The following SLC30A5 variants were observed in gnomAD, a reference collection of about 807,000 sequenced individuals.
SLC30A5 encodes solute carrier family 30 member 5.
A neutral mutation model predicts 79.6 loss-of-function variants in SLC30A5; 33 were observed. That is an observed-to-expected ratio of 0.41 (90% CI 0.31 to 0.55). The LOEUF (loss-of-function observed/expected upper bound fraction) is 0.55, where lower values mean the gene tolerates loss of function less well. Ranked by LOEUF, SLC30A5 falls within the 20% of genes least tolerant of loss-of-function variation. The pLI is 0.20. For synonymous variants in SLC30A5, 299 were observed against 319.7 expected, an observed-to-expected ratio of 0.94 and a Z score of 0.69; for missense variants, 788 against 928.1, an observed-to-expected ratio of 0.85 and a Z score of 1.96.
At chr5:69,103,205 A>G in intron 3 of SLC30A5, 77 bp downstream of exon 3, 2 of 740,450 alleles carry the variant, frequency 2.7e-6, no homozygotes, top group Non-Finnish European at 4.7e-6. Context: ...ATTTTTTATA[A>G]TGGGTACTTA....
intron 3 of SLC30A5, among the ~76,000 whole-genome samples, chr5:69,103,392 T>C (rs1745988595): frequency 6.6e-6 from 1 of 152,172 alleles, no homozygotes; most frequent in African/African-American, 2.4e-5. Flanking sequence ...ACACTTCTTA[T>C]TCTGAAAGAT....
chr5:69,112,993 C>A, intron 5 of SLC30A5, 147 bp from the exon 6 acceptor site: 1 of 620,110 alleles, frequency 1.6e-6, no homozygotes, highest in South Asian at 2.0e-5. Flanking sequence ...TATGTAAGAG[C>A]TTTAATGTCA....
In SLC30A5 at chr5:69,094,217, C is replaced by T. The variant is rs1386982694; in HGVS notation, c.-39C>T. ...GGCAGCGGCGAGACATGAGGAGACC[C>T]CGCGACAGGGGCAGCGGCGGCGGCT... On this transcript the variant is annotated 5_prime_UTR_variant, in exon 1 of 16. Coordinates refer to ENST00000396591, the MANE Select transcript of SLC30A5 (RefSeq NM_022902.5). The T allele has an allele frequency of 1.8e-6, 2 of 1,098,352 alleles. No homozygotes were observed. Among genetic ancestry groups the T allele is most frequent in the East Asian group, 3.2e-5 (1 of 31,206 alleles). 68.0% of individuals were successfully genotyped at this position (1,098,352 alleles called of 1,614,324 possible). A position where few individuals can be genotyped will look rare whatever the true frequency, so the allele number is the denominator to read the frequency against.
intron 12 of SLC30A5, among the ~76,000 whole-genome samples, chr5:69,120,484 C>G (rs946758224): frequency 8.5e-5 from 13 of 152,064 alleles, no homozygotes; most frequent in African/African-American, 2.9e-4. Flanking sequence ...GAAAATACAC[C>G]ATTTTAAGCG....
chr5:69,104,070 GA>G lies in SLC30A5; in HGVS notation c.274-556del, dbSNP rs767602755. ...AGAAATCATAAAATTGTACTCTGAA[GA>G]AAAAGATTTCAAAATCTACCAGCAG... On this transcript the variant is annotated intron_variant, in intron 3 of 15. Transcript: ENST00000396591. 10 of 1,527,372 alleles carry G rather than the reference GA, an allele frequency of 6.5e-6. 1 individual carries two copies. The South Asian group carries it at 1.3e-4, about 19-fold the overall frequency. The allele number at this position is 1,527,372 out of a possible 1,614,324, so 94.6% of individuals were successfully genotyped here.
chr5:69,097,910 C>A (rs16898486), intron 1 of SLC30A5, among the ~76,000 whole-genome samples: 43,279 of 151,936 alleles, frequency 0.28, 6,489 homozygotes, highest in Middle Eastern at 0.35. Flanking sequence ...GCTAAGTAAC[C>A]TATATTGATA....
At chr5:69,109,765 C>T (rs1217635975) in intron 5 of SLC30A5, among the ~76,000 whole-genome samples, 2 of 152,128 alleles carry the variant, frequency 1.3e-5, no homozygotes, top group Non-Finnish European at 2.9e-5. Context: ...ACTGTTAGAA[C>T]TATATAGTGT....
chr5:69,113,556 A>G (rs2111971227), intron 6 of SLC30A5, among the ~76,000 whole-genome samples: 1 of 152,128 alleles, frequency 6.6e-6, no homozygotes, highest in Admixed American at 6.5e-5. Flanking sequence ...TTAACAATTA[A>G]AAGGCTGATA....
At chr5:69,094,733 T>C (rs1158992155) in intron 1 of SLC30A5, among the ~76,000 whole-genome samples, 1 of 151,924 alleles carries the variant, frequency 6.6e-6, no homozygotes, top group Non-Finnish European at 1.5e-5. Context: ...CACCATCAGC[T>C]CTCTTCAGGC....
chr5:69,101,783 C>G (rs1238436488), intron 2 of SLC30A5, among the ~76,000 whole-genome samples: 2 of 150,298 alleles, frequency 1.3e-5, no homozygotes, highest in Non-Finnish European at 3.0e-5. Context: ...ATGTCGAAAG[C>G]CTGTCTCTAC....
In SLC30A5 at chr5:69,094,188, C is replaced by A; in HGVS notation, c.-68C>A. The A allele has an allele frequency of 1.2e-6, 1 of 841,904 alleles. No homozygotes were observed. Among genetic ancestry groups the A allele is most frequent in the Non-Finnish European group, 1.6e-6 (1 of 618,102 alleles). The allele number at this position is 841,904 out of a possible 1,614,324, so 52.2% of individuals were successfully genotyped here. A position where few individuals can be genotyped will look rare whatever the true frequency, so the allele number is the denominator to read the frequency against. On this transcript the variant is annotated 5_prime_UTR_variant, in exon 1 of 16. Transcript: ENST00000396591. ...GAGTGACGCGCCTGCACCCGCTGTTCCGCGGCAGCGGCGAGACATGAGGAG... is the reference window on the plus strand; with the variant it reads ...GAGTGACGCGCCTGCACCCGCTGTTACGCGGCAGCGGCGAGACATGAGGAG...
At chr5:69,111,526 G>C (rs1054333752) in intron 5 of SLC30A5, among the ~76,000 whole-genome samples, 2 of 151,158 alleles carry the variant, frequency 1.3e-5, no homozygotes, top group Non-Finnish European at 2.9e-5. Context: ...GGCTGGTCTT[G>C]AACTCCTGAC....
Position 69,094,358 on chromosome 5 carries a change from G to T in SLC30A5, c.83+20G>T. 8.0e-7 allele frequency: 1 copy of T among 1,245,238 alleles called. No individual in the cohort carries two copies. Among genetic ancestry groups the T allele is most frequent in the Non-Finnish European group, 1.0e-6 (1 of 987,776 alleles). The allele number at this position is 1,245,238 out of a possible 1,614,324, so 77.1% of individuals were successfully genotyped here. A position where few individuals can be genotyped will look rare whatever the true frequency, so the allele number is the denominator to read the frequency against. The stretch of plus-strand genomic sequence containing the variant: ...CGCTCGGTAAGGGACCGATCCGGAA[G>T]GCAGCGACCGGCCGGGTCGCTCAGG... On this transcript the variant is annotated intron_variant, in intron 1 of 15. Coordinates refer to ENST00000396591, the MANE Select transcript of SLC30A5 (RefSeq NM_022902.5).
Position 69,094,344 on chromosome 5 carries a change from G to T in SLC30A5, c.83+6G>T. 2 of 1,246,976 alleles carry T rather than the reference G, an allele frequency of 1.6e-6. No individual in the cohort carries two copies. The highest frequency in any genetic ancestry group is 2.0e-6 in the Non-Finnish European group (2 of 988,320). 77.2% of individuals were successfully genotyped at this position (1,246,976 alleles called of 1,614,324 possible). On this transcript the variant is annotated splice_donor_region_variant and intron_variant, in intron 1 of 15. Coordinates refer to ENST00000396591, the MANE Select transcript of SLC30A5 (RefSeq NM_022902.5). ...GTGGACGTACCCAGCGCTCGGTAAG[G>T]GACCGATCCGGAAGGCAGCGACCGG...
Position 69,114,433 on chromosome 5 carries a change from T to A in SLC30A5, c.549T>A (p.His183Gln). ...AKMAEHPEGH[H>Q]DSALTHMLYT... ...CAACTCACTTAGCTGAAGGACATCA[T>A]GACAGTGCTCTAACTCATATGCTTT... is the stretch of plus-strand genomic sequence containing the variant. The change falls in exon 7 of 16, where the codon CAT (histidine) becomes CAA (glutamine). Residue 183 changes from histidine (H) to glutamine (Q), a missense_variant. This residue lies in a region of SLC30A5 where 626 missense variants were observed against 755.5 expected (regional missense o/e 0.83). Coordinates refer to ENST00000396591, the MANE Select transcript of SLC30A5 (RefSeq NM_022902.5). The A allele has an allele frequency of 6.2e-7, 1 of 1,608,854 alleles. No homozygotes were observed. The highest frequency in any genetic ancestry group is 1.1e-5 in the South Asian group (1 of 90,970).
chr5:69,130,832 A>G lies in SLC30A5; in HGVS notation c.*1215A>G, dbSNP rs1209061087. ...CCTGTCTTTCTATTTATAACATCTG[A>G]ATATTTTCATTCTTATATTAAGAAT... On this transcript the variant is annotated 3_prime_UTR_variant, in exon 16 of 16. Transcript: ENST00000396591. 1 of 152,158 alleles carries G rather than the reference A, an allele frequency of 6.6e-6. No homozygotes were observed. Among genetic ancestry groups the G allele is most frequent in the Non-Finnish European group, 1.5e-5 (1 of 68,016 alleles). 9.4% of individuals were successfully genotyped at this position (152,158 alleles called of 1,614,324 possible).
chr5:69,110,130 C>T (rs1746193453), intron 5 of SLC30A5, among the ~76,000 whole-genome samples: 1 of 152,152 alleles, frequency 6.6e-6, no homozygotes, highest in Non-Finnish European at 1.5e-5. Flanking sequence ...TCTACACTCC[C>T]TTGTATCTAC....
At chr5:69,113,350 T>C in intron 6 of SLC30A5, 123 bp downstream of exon 6, 1 of 639,044 alleles carries the variant, frequency 1.6e-6, no homozygotes, top group Non-Finnish European at 2.6e-6. Flanking sequence ...TTTCATAGAT[T>C]AATGTAGATA....
intron 12 of SLC30A5, among the ~76,000 whole-genome samples, chr5:69,121,011 G>T (rs1285746141): frequency 6.6e-6 from 1 of 152,116 alleles, no homozygotes; most frequent in Non-Finnish European, 1.5e-5. Flanking sequence ...AAAAATGAGA[G>T]GCCAGGCATA....
Sources: allele counts gnomAD v4.1 joint callset (sites outside exome capture counted in the v4.1 genomes callset), GRCh38; gene constraint gnomAD v4.1.1; regional missense constraint gnomAD v4.1.1; transcripts MANE v1.5; gene names NCBI Gene and HGNC (gene_info 2026-07-23, HGNC 2026-07-21).